Variants in MCF2 observed in about 807,000 individuals in gnomAD.
The protein encoded by MCF2 is proto-oncogene DBL.
A neutral mutation model predicts 82.5 loss-of-function variants in MCF2; 44 were observed. That is an observed-to-expected ratio of 0.53 (90% confidence interval 0.42 to 0.69). MCF2 has a LOEUF of 0.69. Among genes scored for constraint, MCF2 ranks in the 30% least tolerant of loss-of-function variants. MCF2 has a pLI of 0.00. For missense variants in MCF2, 623 were observed against 663.1 expected, an observed-to-expected ratio of 0.94 and a Z score of 0.66; for synonymous variants, 217 against 224.9, an observed-to-expected ratio of 0.96 and a Z score of 0.32.
chrX:139,621,933 T>C (rs2148472435), intron 6 of MCF2, among the ~76,000 whole-genome samples: 1 of 110,488 alleles, frequency 9.1e-6, no homozygotes, highest in Admixed American at 9.6e-5. Flanking sequence ...ATCATCAGAG[T>C]GAACAGGCAA....
At chrX:139,641,597 C>T (rs749659210) in intron 1 of MCF2, among the ~76,000 whole-genome samples, 3 of 110,654 alleles carry the variant, frequency 2.7e-5, no homozygotes, top group African/African-American at 9.8e-5. Flanking sequence ...TGTGTTATCT[C>T]GATATTTTTA....
intron 6 of MCF2, 95 bp from the exon 10 acceptor site, chrX:139,619,801 T>G: frequency 1.6e-6 from 1 of 630,075 alleles, no homozygotes; most frequent in Non-Finnish European, 2.3e-6. Flanking sequence ...AATATTGACA[T>G]GGAGAAATTA....
chrX:139,622,295 G>C (rs1236098127), intron 6 of MCF2, among the ~76,000 whole-genome samples: 3 of 111,732 alleles, frequency 2.7e-5, no homozygotes, highest in Non-Finnish European at 5.6e-5. Flanking sequence ...CTGTAAACTA[G>C]TTCAACCATT....
chrX:139,651,944 C>T (rs894938508), intron 1 of MCF2, among the ~76,000 whole-genome samples, 156 bp from the exon 2 acceptor site: 2 of 111,655 alleles, frequency 1.8e-5, no homozygotes, highest in African/African-American at 6.5e-5. Flanking sequence ...CTCTCAACTA[C>T]ATGGCAAAGA....
At chrX:139,657,784 G>A (rs1645669925) in intron 1 of MCF2, among the ~76,000 whole-genome samples, 1 of 111,514 alleles carries the variant, frequency 9.0e-6, no homozygotes, top group South Asian at 3.8e-4. Flanking sequence ...TTCATTGGTT[G>A]GTTTTTACCC....
chrX:139,585,083 C>A lies in MCF2; in HGVS notation c.2728G>T (p.Glu910Ter), dbSNP rs373744816. 8.4e-7 allele frequency: 1 copy of A among 1,194,759 alleles called. No individual in the cohort carries two copies. Among genetic ancestry groups the A allele is most frequent in the Middle Eastern group, 2.3e-4 (1 of 4,281 alleles). ...TTACTAACCATGAGGGGCCTATTTT[C>A]TTCTTCATTTTCATCATAAGTAGGG... The change falls in exon 24 of 25, where the codon GAA becomes TAA. Residue 910 changes from glutamate (E) to a stop codon, truncating the protein, a stop_gained. Coordinates refer to ENST00000370576, the Ensembl canonical transcript of MCF2. LOFTEE classifies it high-confidence loss of function.
At chrX:139,608,185 G>C (rs745392519) in intron 11 of MCF2, among the ~76,000 whole-genome samples, 1 of 109,940 alleles carries the variant, frequency 9.1e-6, no homozygotes, top group Admixed American at 9.7e-5. Flanking sequence ...AAAGACACAC[G>C]ACATAACTGA....
intron 16 of MCF2, among the ~76,000 whole-genome samples, 166 bp from the exon 21 acceptor site, chrX:139,598,664 C>G (rs1930291063): frequency 9.0e-6 from 1 of 111,651 alleles, no homozygotes; most frequent in East Asian, 2.8e-4. Context: ...CACAATATAT[C>G]TGAAAAACTA....
At chrX:139,684,730 T>C (rs925638081) in intron 1 of MCF2, among the ~76,000 whole-genome samples, 4 of 111,954 alleles carry the variant, frequency 3.6e-5, no homozygotes, top group Non-Finnish European at 7.5e-5. Flanking sequence ...GATCACATAT[T>C]GTATGATTCT....
At chrX:139,682,847 G>A (rs905542773) in intron 1 of MCF2, among the ~76,000 whole-genome samples, 6 of 112,459 alleles carry the variant, frequency 5.3e-5, no homozygotes. Context: ...CCTTGGGAGA[G>A]ATCAGGTTGA....
At chrX:139,659,800 A>G in intron 1 of MCF2, among the ~76,000 whole-genome samples, 1 of 112,341 alleles carries the variant, frequency 8.9e-6, no homozygotes, top group Non-Finnish European at 1.9e-5. Context: ...AGTCTCTTCC[A>G]TGGCAATAAA....
chrX:139,646,428 C>T (rs757298946), upstream of MCF2, among the ~76,000 whole-genome samples: 9 of 112,024 alleles, frequency 8.0e-5, no homozygotes, highest in South Asian at 3.4e-3. Flanking sequence ...ATTCAGTCTT[C>T]TTGTGTTATA....
At chrX:139,670,855 A>G (rs1934665362) in intron 1 of MCF2, among the ~76,000 whole-genome samples, 1 of 111,695 alleles carries the variant, frequency 9.0e-6, no homozygotes, top group South Asian at 3.8e-4. Flanking sequence ...GTCAAATGGT[A>G]TTTCTAGTTC....
intron 2 of MCF2, among the ~76,000 whole-genome samples, chrX:139,650,902 C>G (rs913629601): frequency 2.7e-5 from 3 of 111,717 alleles, no homozygotes; most frequent in Non-Finnish European, 3.8e-5. Context: ...ACTTGAAGAC[C>G]TTATGCTAAG....
chrX:139,598,813 T>C (rs911742796), intron 16 of MCF2, among the ~76,000 whole-genome samples: 4 of 111,840 alleles, frequency 3.6e-5, no homozygotes, highest in African/African-American at 1.3e-4. Context: ...ATTAACATGA[T>C]TAAAACGTTC....
intron 2 of MCF2, 88 bp downstream of exon 2, chrX:139,651,632 A>G: frequency 2.0e-6 from 1 of 511,306 alleles, no homozygotes; most frequent in East Asian, 3.7e-5. Flanking sequence ...CTATATATAG[A>G]GAGCGAGCTA....
chrX:139,584,182 C>T (rs1306844627), intron 24 of MCF2, among the ~76,000 whole-genome samples: 1 of 92,097 alleles, frequency 1.1e-5, no homozygotes, highest in Non-Finnish European at 2.1e-5. Flanking sequence ...GTTGCCCAGG[C>T]TGGAGTGCAA....
intron 10 of MCF2, 125 bp downstream of exon 13, chrX:139,614,756 G>A: frequency 1.6e-6 from 1 of 629,600 alleles, no homozygotes; most frequent in Non-Finnish European, 2.5e-6. Flanking sequence ...ATATAAATAT[G>A]ACCAAAGATG....
chrX:139,700,436 AAG>A (rs1225643430), intron 1 of MCF2, among the ~76,000 whole-genome samples: 2 of 112,222 alleles, frequency 1.8e-5, no homozygotes, highest in African/African-American at 6.5e-5. Flanking sequence ...TATTGGGAAG[AAG>A]AAGATAACGA....
Sources: gnomAD v4.1 joint callset for allele counts (sites outside exome capture counted in the v4.1 genomes callset) on GRCh38, gnomAD v4.1.1 for gene constraint, MANE v1.5 for transcripts, NCBI Gene and HGNC (gene_info 2026-07-23, HGNC 2026-07-21) for gene names.